Variants in ITGAM observed in about 807,000 individuals in gnomAD.
ITGAM encodes integrin alpha-M.
Under a neutral mutation model 137.5 loss-of-function variants are expected in ITGAM, and 79 were observed. The observed-to-expected ratio is 0.57, with a 90% CI of 0.48 to 0.69. ITGAM has a LOEUF of 0.69. ITGAM is among the 30% of genes least tolerant of loss of function. ITGAM has a pLI of 0.00. For missense variants in ITGAM, 1,343 were observed against 1,483.5 expected (o/e 0.91, Z 1.56); for synonymous variants, 583 against 592.3 (o/e 0.98, Z 0.23).
chr16:31,287,151 T>C (rs1383125001), intron 12 of ITGAM, among the ~76,000 whole-genome samples: 2 of 152,184 alleles, frequency 1.3e-5, no homozygotes, highest in South Asian at 2.1e-4. Context: ...TCTTTCCCCA[T>C]TGCTTGCTTC....
chr16:31,292,467 A>G (rs1192201202), intron 12 of ITGAM, among the ~76,000 whole-genome samples: 1 of 151,962 alleles, frequency 6.6e-6, no homozygotes, highest in Non-Finnish European at 1.5e-5. Context: ...CTTTGTGTTC[A>G]TAAGTTCTTT....
At chr16:31,318,184 G>A (rs919047032) in intron 14 of ITGAM, among the ~76,000 whole-genome samples, 1 of 151,978 alleles carries the variant, frequency 6.6e-6, no homozygotes, top group East Asian at 1.9e-4. Context: ...TTCCTTCAAG[G>A]TTATCAAGTT....
At position 31,329,784 on chromosome 16, in the gene ITGAM, C is replaced by G; in HGVS notation, c.2869-14C>G. 6.5e-7 allele frequency: 1 copy of G among 1,549,538 alleles called. No homozygotes were observed. Among genetic ancestry groups the G allele is most frequent in the Non-Finnish European group, 8.7e-7 (1 of 1,145,786 alleles). On this transcript the variant is annotated splice_polypyrimidine_tract_variant and intron_variant, in intron 24 of 29. Transcript: ENST00000544665. ...AGGAAGGCCAGAGCCCTGACCCCGC[C>G]CTCCCCGGTGCAGGTCAGCAACCTG...
At chr16:31,262,683 G>A (rs1393462146) in intron 2 of ITGAM, among the ~76,000 whole-genome samples, 2 of 152,136 alleles carry the variant, frequency 1.3e-5, no homozygotes, top group Non-Finnish European at 2.9e-5. Context: ...GGGATGATAG[G>A]TGTAAACCAC....
rs930496231 is a variant in ITGAM at position 31,297,588 on chromosome 16, C to T, written c.1431C>T (p.Ile477=). The change falls in exon 13 of 30, where the codon ATC becomes ATT. Residue 477 remains isoleucine (I), a synonymous_variant. Transcript: ENST00000544665. The part of the protein sequence containing the change: ...DSNGSTDLVL[I]GAPHYYEQTR... ...ACGGCAGCACCGACCTGGTCCTCATCGGGGCCCCCCATTACTACGAGCAGA... is the reference window on the plus strand; with the variant it reads ...ACGGCAGCACCGACCTGGTCCTCATTGGGGCCCCCCATTACTACGAGCAGA... 31 of 1,612,524 alleles carry T rather than the reference C, an allele frequency of 1.9e-5. No individual in the cohort carries two copies. Among genetic ancestry groups the T allele is most frequent in the Admixed American group, 3.3e-5 (2 of 59,982 alleles).
chr16:31,271,649 G>A (rs34082782), intron 6 of ITGAM, among the ~76,000 whole-genome samples, 198 bp from the exon 7 acceptor site: 22,571 of 152,174 alleles, frequency 0.15, 1,885 homozygotes, highest in African/African-American at 0.21. Flanking sequence ...CACTGCTCCC[G>A]GCCGCTGGCC....
In ITGAM at chr16:31,324,697, TCTCTCTGGTGGGAACG is replaced by T; in HGVS notation, c.2206_2221del (p.Ser736HisfsTer47). On this transcript the variant is annotated frameshift_variant, in exon 18 of 30. Coordinates refer to ENST00000544665, the MANE Select transcript of ITGAM (RefSeq NM_000632.4). LOFTEE classifies it high-confidence loss of function. The surrounding 1 kb of genome is among the most constrained non-coding windows in gnomAD (Gnocchi z 4.5). ...AGCCCCATTGTGCTGCGCCTGAACT[TCTCTCTGGTGGGAACG>T]CCATTGTCTGCTTTCGGGAACCTCC... 6.2e-7 allele frequency: 1 copy of T among 1,601,970 alleles called. No homozygotes were observed. Among genetic ancestry groups the T allele is most frequent in the Non-Finnish European group, 8.5e-7 (1 of 1,174,946 alleles).
chr16:31,303,835 A>G (rs1335575018), intron 14 of ITGAM, among the ~76,000 whole-genome samples: 1 of 152,166 alleles, frequency 6.6e-6, no homozygotes, highest in Non-Finnish European at 1.5e-5. Context: ...ACACACATAT[A>G]TATAACTTTT....
At chr16:31,302,428 C>CTTTCTTTCTTTCTTTCTTCTTTCTTTCT (rs71390270) in intron 14 of ITGAM, among the ~76,000 whole-genome samples, 14 of 103,122 alleles carry the variant, frequency 1.4e-4, no homozygotes, top group African/African-American at 7.7e-4. Context: ...TTCTTTCTTT[C>CTTTCTTTCTTTCTTTCTTCTTTCTTTCT]TTCTTTCTTT....
chr16:31,287,328 C>T lies in ITGAM; in HGVS notation c.1356+9219C>T, dbSNP rs550226877. Among the ~76,000 whole-genome samples, 3 of 152,184 alleles carry T rather than the reference C, an allele frequency of 2.0e-5. No individual in the cohort carries two copies. The South Asian group carries it at 6.2e-4, about 32-fold the overall frequency. On this transcript the variant is annotated intron_variant, in intron 12 of 29. Transcript: ENST00000544665. ...GATGCCTCCAGCTTTGTTATTTTTG[C>T]TTAGGATTGCTTTTGCTATTTAGGC... is the stretch of plus-strand genomic sequence containing the variant.
chr16:31,283,153 T>A (rs1040338909), intron 12 of ITGAM, among the ~76,000 whole-genome samples: 2 of 152,190 alleles, frequency 1.3e-5, no homozygotes, highest in Non-Finnish European at 2.9e-5. Flanking sequence ...CCCTTAACAT[T>A]TTTTCCTCCA....
At chr16:31,289,914 G>A (rs765211958) in intron 12 of ITGAM, among the ~76,000 whole-genome samples, 9 of 151,576 alleles carry the variant, frequency 5.9e-5, no homozygotes, top group African/African-American at 1.2e-4. Context: ...AAACCCTGTC[G>A]TTACTAAAAA....
chr16:31,268,800 G>A (rs981180745), intron 5 of ITGAM, among the ~76,000 whole-genome samples: 22 of 152,080 alleles, frequency 1.4e-4, no homozygotes, highest in African/African-American at 4.8e-4. Context: ...TCCATCAAAC[G>A]GCATTCCTGG....
intron 16 of ITGAM, among the ~76,000 whole-genome samples, chr16:31,321,842 TACTC>T (rs756070942): frequency 1.4e-4 from 22 of 152,334 alleles, no homozygotes; most frequent in Non-Finnish European, 2.8e-4. Flanking sequence ...GGCACTTCCT[TACTC>T]ACTCAGTTCT....
At chr16:31,316,880 A>G (rs955514328) in intron 14 of ITGAM, among the ~76,000 whole-genome samples, 1 of 152,130 alleles carries the variant, frequency 6.6e-6, no homozygotes, top group Non-Finnish European at 1.5e-5. Context: ...AATAGGATTA[A>G]TTTCTTTTTC....
chr16:31,318,734 A>G (rs2080418123), intron 14 of ITGAM, among the ~76,000 whole-genome samples: 1 of 151,974 alleles, frequency 6.6e-6, no homozygotes, highest in African/African-American at 2.4e-5. Flanking sequence ...TGTAATCTTT[A>G]TTATTTTCTT....
chr16:31,321,728 T>A (rs887752636), intron 16 of ITGAM, 101 bp downstream of exon 16: 1 of 1,209,268 alleles, frequency 8.3e-7, no homozygotes, highest in Non-Finnish European at 1.2e-6. Context: ...TGAACTGAGT[T>A]CTCACAGGCT....
intron 14 of ITGAM, among the ~76,000 whole-genome samples, chr16:31,298,210 A>AAT (rs1006312053): frequency 1.4e-5 from 2 of 147,016 alleles, no homozygotes; most frequent in African/African-American, 5.3e-5. Flanking sequence ...TCTCCAAAAA[A>AAT]AAAAAAAAAA....
intron 5 of ITGAM, among the ~76,000 whole-genome samples, chr16:31,270,699 GTATATATA>G (rs869206231): frequency 0.052 from 1,354 of 26,008 alleles, 97 homozygotes; most frequent in African/African-American, 0.12. Context: ...GTGTGTGTGT[GTATATATA>G]TATATATATA....
Sources: gnomAD v4.1 joint callset for allele counts (sites outside exome capture counted in the v4.1 genomes callset) on GRCh38, gnomAD v4.1.1 for gene constraint, Gnocchi (gnomAD v3.1) non-coding constraint, MANE v1.5 for transcripts, NCBI Gene and HGNC (gene_info 2026-07-23, HGNC 2026-07-21) for gene names.